IL1RAPL1: variants seen among roughly 807,000 people sequenced by gnomAD.
The protein encoded by IL1RAPL1 is interleukin-1 receptor accessory protein-like 1.
IL1RAPL1 carries 3 observed loss-of-function variants against 48.4 expected under a neutral mutation model. The observed-to-expected ratio is 0.06, with a 90% CI of 0.03 to 0.16. The LOEUF is 0.16. Among genes scored for constraint, IL1RAPL1 ranks in the 10% least tolerant of loss-of-function variants. IL1RAPL1 has a pLI of 1.00. For synonymous variants in IL1RAPL1, 185 were observed against 187.7 expected, an observed-to-expected ratio of 0.99 and a Z score of 0.12; for missense variants, 349 against 530.6, an observed-to-expected ratio of 0.66 and a Z score of 3.36.
chrX:28,842,655 G>C (rs772429446), intron 2 of IL1RAPL1, among the ~76,000 whole-genome samples: 2 of 111,584 alleles, frequency 1.8e-5, no homozygotes, highest in Admixed American at 9.6e-5. Flanking sequence ...TTCGTTGAAG[G>C]AATGAAATTG....
chrX:29,245,277 C>T (rs1931490431), intron 2 of IL1RAPL1, among the ~76,000 whole-genome samples: 1 of 111,237 alleles, frequency 9.0e-6, no homozygotes, highest in Admixed American at 9.5e-5. Flanking sequence ...TTATAATCCT[C>T]TGGGTATATA....
intron 5 of IL1RAPL1, among the ~76,000 whole-genome samples, chrX:29,587,475 G>A (rs901944788): frequency 9.0e-6 from 1 of 110,783 alleles, no homozygotes; most frequent in Non-Finnish European, 1.9e-5. Flanking sequence ...ATAACATGGT[G>A]ACTGTAGTTA....
intron 6 of IL1RAPL1, among the ~76,000 whole-genome samples, chrX:29,755,778 G>A (rs186764092): frequency 8.4e-4 from 95 of 112,575 alleles, no homozygotes; most frequent in African/African-American, 3.0e-3. Context: ...TTTAGTTAGA[G>A]TACACATGGT....
At chrX:29,297,904 C>T (rs887128742) in intron 3 of IL1RAPL1, among the ~76,000 whole-genome samples, 13 of 111,492 alleles carry the variant, frequency 1.2e-4, no homozygotes, top group Non-Finnish European at 2.1e-4. Context: ...ATGATTGCAG[C>T]AATCTGACAA....
chrX:29,625,670 A>G (rs1200200981), intron 5 of IL1RAPL1, among the ~76,000 whole-genome samples: 3 of 112,039 alleles, frequency 2.7e-5, no homozygotes, highest in African/African-American at 6.5e-5. Flanking sequence ...AAGTGATCAT[A>G]TTCTTTTTGA....
intron 3 of IL1RAPL1, among the ~76,000 whole-genome samples, chrX:29,296,569 T>C (rs1932453407): frequency 9.2e-6 from 1 of 109,180 alleles, no homozygotes; most frequent in African/African-American, 3.3e-5. Flanking sequence ...TTTTTGAAAG[T>C]ATTAAGAAAT....
chrX:29,046,562 C>G (rs1241527345), intron 2 of IL1RAPL1, among the ~76,000 whole-genome samples: 1 of 111,817 alleles, frequency 8.9e-6, no homozygotes, highest in Non-Finnish European at 1.9e-5. Context: ...AGCCAAGTAA[C>G]TTACCCAGAA....
intron 2 of IL1RAPL1, among the ~76,000 whole-genome samples, chrX:29,250,276 A>G (rs1296563892): frequency 1.2e-4 from 14 of 112,331 alleles, no homozygotes; most frequent in African/African-American, 3.9e-4. Flanking sequence ...AGAAACAACA[A>G]CAACAAAAAG....
At chrX:29,822,326 C>T (rs185817138) in intron 6 of IL1RAPL1, among the ~76,000 whole-genome samples, 39 of 111,087 alleles carry the variant, frequency 3.5e-4, no homozygotes, top group African/African-American at 1.2e-3. Flanking sequence ...ATGGAACTAA[C>T]GGTGAAGATT....
intron 1 of IL1RAPL1, among the ~76,000 whole-genome samples, chrX:28,781,436 T>C (rs1425421661): frequency 9.1e-6 from 1 of 109,976 alleles, no homozygotes; most frequent in Non-Finnish European, 1.9e-5. Context: ...AAGGAAATAA[T>C]CTCTGCTACT....
At chrX:29,282,053 C>T (rs1203612692) in intron 2 of IL1RAPL1, among the ~76,000 whole-genome samples, 4 of 111,144 alleles carry the variant, frequency 3.6e-5, no homozygotes, top group Admixed American at 1.9e-4. Flanking sequence ...TCAAGAGCCT[C>T]GTTCTCATGA....
chrX:29,769,588 C>G (rs775590178), intron 6 of IL1RAPL1, among the ~76,000 whole-genome samples: 1 of 98,554 alleles, frequency 1.0e-5, no homozygotes, highest in East Asian at 3.1e-4. Context: ...GAATTATAGG[C>G]GCCCGCCACC....
intron 2 of IL1RAPL1, among the ~76,000 whole-genome samples, chrX:29,259,576 A>C (rs1001392451): frequency 1.1e-4 from 12 of 111,393 alleles, no homozygotes; most frequent in African/African-American, 3.6e-4. Flanking sequence ...TCTGAAAAAA[A>C]CATATAAGAT....
chrX:29,623,539 G>A (rs780336434), intron 5 of IL1RAPL1, among the ~76,000 whole-genome samples: 1 of 111,780 alleles, frequency 8.9e-6, no homozygotes, highest in African/African-American at 3.3e-5. Context: ...AAACAGTCTC[G>A]CCATGACCTT....
intron 2 of IL1RAPL1, among the ~76,000 whole-genome samples, chrX:29,159,877 A>G (rs1227068417): frequency 4.5e-5 from 5 of 111,211 alleles, no homozygotes; most frequent in Non-Finnish European, 7.5e-5. Context: ...ACATCTGGAT[A>G]ATTTTGTATT....
intron 6 of IL1RAPL1, among the ~76,000 whole-genome samples, chrX:29,915,978 G>C (rs1291897525): frequency 2.1e-4 from 19 of 91,457 alleles, no homozygotes; most frequent in East Asian, 7.2e-4. Flanking sequence ...CAATTCCCAC[G>C]TATGAGTGAG....
intron 6 of IL1RAPL1, among the ~76,000 whole-genome samples, chrX:29,731,007 T>G (rs1927903619): frequency 8.9e-6 from 1 of 112,415 alleles, no homozygotes; most frequent in Non-Finnish European, 1.9e-5. Flanking sequence ...TATACTTATG[T>G]CACATCAAAG....
intron 3 of IL1RAPL1, among the ~76,000 whole-genome samples, chrX:29,307,728 T>TA (rs1259147374): frequency 8.9e-6 from 1 of 112,163 alleles, no homozygotes; most frequent in Non-Finnish European, 1.9e-5. Context: ...GCACTGAATG[T>TA]AAGATGCCAA....
Position 29,174,000 on chromosome X carries a change from A to G in IL1RAPL1, c.83-108938A>G, listed in dbSNP as rs759955516. The stretch of plus-strand genomic sequence containing the variant: ...CAATGGAACGATCTCGGCTCACTAC[A>G]CCCTCCACCTCCTGGGTTCAAGGGA... On this transcript the variant is annotated intron_variant, in intron 2 of 10. Transcript: ENST00000378993. 1.3e-4 allele frequency among the ~76,000 whole-genome samples: 14 copies of G among 108,783 alleles called. No individual in the cohort carries two copies. In the East Asian group the frequency reaches 3.2e-3, roughly 25 times the overall value. 94.5% of individuals were successfully genotyped at this position (108,783 alleles called of 115,157 possible). A position where few individuals can be genotyped will look rare whatever the true frequency, so the allele number is the denominator to read the frequency against.
Sources: allele counts gnomAD v4.1 joint callset (sites outside exome capture counted in the v4.1 genomes callset), GRCh38; gene constraint gnomAD v4.1.1; transcripts MANE v1.5; gene names NCBI Gene and HGNC (gene_info 2026-07-23, HGNC 2026-07-21).